Variants in BPTF observed in about 807,000 individuals in gnomAD.
The protein encoded by BPTF is bromodomain PHD finger transcription factor.
In BPTF, 18 loss-of-function variants were observed where a neutral mutation model predicts 292.5. The ratio of observed to expected loss-of-function variants is 0.06; its 90% CI spans 0.04 to 0.09. BPTF has a LOEUF of 0.09. Among genes scored for constraint, BPTF ranks in the 10% least tolerant of loss-of-function variants. BPTF has a pLI of 1.00. For synonymous variants in BPTF, 1,225 were observed against 1,251.9 expected, an observed-to-expected ratio of 0.98 and a Z score of 0.45; for missense variants, 2,726 against 3,498.7, an observed-to-expected ratio of 0.78 and a Z score of 5.57.
chr17:67,890,830 A>T (rs1363631238), intron 4 of BPTF, among the ~76,000 whole-genome samples: 3 of 152,182 alleles, frequency 2.0e-5, no homozygotes, highest in African/African-American at 7.2e-5. Context: ...TATATATCAT[A>T]TAGTAAATTA....
chr17:67,886,144 A>G lies in BPTF; in HGVS notation c.1865-5700A>G, dbSNP rs755390071. 7.6e-6 allele frequency: 12 copies of G among 1,585,008 alleles called. No homozygotes were observed. The African/African-American group carries it at 9.4e-5, about 12-fold the overall frequency. On this transcript the variant is annotated intron_variant, in intron 4 of 27. Transcript: ENST00000306378. ...TTTTTCTAGAAGAACCTAACAAGAC[A>G]TGTGAGAGCAGTAACACTAGTGCTA... is the stretch of plus-strand genomic sequence containing the variant.
chr17:67,885,455 G>A (rs964621171), intron 4 of BPTF, among the ~76,000 whole-genome samples: 13 of 152,108 alleles, frequency 8.5e-5, no homozygotes, highest in South Asian at 2.1e-4. Context: ...GTATGGTGGC[G>A]TGCACCTGAC....
At chr17:67,952,150 G>T (rs1428384116) in intron 23 of BPTF, among the ~76,000 whole-genome samples, 1 of 150,964 alleles carries the variant, frequency 6.6e-6, no homozygotes, top group Non-Finnish European at 1.5e-5. Flanking sequence ...CTCTGCTAAA[G>T]CTTCAAATAT....
intron 23 of BPTF, among the ~76,000 whole-genome samples, chr17:67,954,404 AGAG>A (rs2066727084): frequency 1.3e-5 from 2 of 151,912 alleles, no homozygotes; most frequent in Non-Finnish European, 2.9e-5. Flanking sequence ...ATTTTGAGTG[AGAG>A]GAGTTTTGTT....
chr17:67,982,382 C>A lies in BPTF; in HGVS notation c.*94C>A. 8.3e-7 allele frequency: 1 copy of A among 1,205,058 alleles called. No individual in the cohort carries two copies. Among genetic ancestry groups the A allele is most frequent in the Non-Finnish European group, 1.2e-6 (1 of 829,666 alleles). The allele number at this position is 1,205,058 out of a possible 1,614,324, so 74.6% of individuals were successfully genotyped here. A position where few individuals can be genotyped will look rare whatever the true frequency, so the allele number is the denominator to read the frequency against. On this transcript the variant is annotated 3_prime_UTR_variant, in exon 28 of 28. Transcript: ENST00000306378. ...AGCCAGATGTTTTTAGTCAGGCTAT[C>A]CTGACAAGACTTGACCTAAACTTCG... is the stretch of plus-strand genomic sequence containing the variant.
At chr17:67,900,974 G>A (rs183050563) in intron 7 of BPTF, among the ~76,000 whole-genome samples, 9 of 151,994 alleles carry the variant, frequency 5.9e-5, no homozygotes, top group Non-Finnish European at 7.4e-5. Flanking sequence ...AGCTATGATT[G>A]CGCCACTGTA....
At chr17:67,877,394 C>G (rs1854077664) in intron 4 of BPTF, among the ~76,000 whole-genome samples, 1 of 152,246 alleles carries the variant, frequency 6.6e-6, no homozygotes, top group South Asian at 2.1e-4. Context: ...AACTCTGTTA[C>G]CACTGTTTAC....
At position 67,983,568 on chromosome 17, in the gene BPTF, A is replaced by G. The variant is rs1221750829; in HGVS notation, c.*1280A>G. On this transcript the variant is annotated 3_prime_UTR_variant, in exon 28 of 28. Coordinates refer to ENST00000306378, the MANE Select transcript of BPTF (RefSeq NM_182641.4). ...TCTTCCACGTAAGGAAAAGTAGTGT[A>G]AACAGTAGCGAGAAAATGGAAACCA... 6.6e-6 allele frequency: 1 copy of G among 152,650 alleles called. No individual in the cohort carries two copies. Among genetic ancestry groups the G allele is most frequent in the African/African-American group, 2.4e-5 (1 of 41,466 alleles). The allele number at this position is 152,650 out of a possible 1,614,324, so 9.5% of individuals were successfully genotyped here. A position where few individuals can be genotyped will look rare whatever the true frequency, so the allele number is the denominator to read the frequency against.
intron 27 of BPTF, chr17:67,981,668 G>C (rs1251838615): frequency 1.2e-5 from 12 of 993,542 alleles, no homozygotes; most frequent in Middle Eastern, 4.0e-4. Flanking sequence ...GTATTTATCT[G>C]CTATTTCAAT....
intron 18 of BPTF, among the ~76,000 whole-genome samples, chr17:67,933,181 C>T (rs1030247135): frequency 2.6e-5 from 4 of 151,834 alleles, no homozygotes; most frequent in Non-Finnish European, 5.9e-5. Flanking sequence ...TCGCTTGAAC[C>T]CAGGAGGCGG....
chr17:67,894,339 T>A (rs1334194413), intron 7 of BPTF, among the ~76,000 whole-genome samples, 174 bp downstream of exon 7: 1 of 152,172 alleles, frequency 6.6e-6, no homozygotes, highest in Non-Finnish European at 1.5e-5. Context: ...GTTCTTTCTT[T>A]TTTTTTTGAG....
rs1310683288 is a variant in BPTF, at chr17:67,912,944, A to G, written c.5060A>G (p.Lys1687Arg). Reference sequence around the variant, plus strand: ...AGCAAAGAGTATTCCACACGAGACAAAGTGAAACTGATGAAATTTTCAAGA... The same window carrying G: ...AGCAAAGAGTATTCCACACGAGACAGAGTGAAACTGATGAAATTTTCAAGA... ...TVSKEYSTRD[K>R]VKLMKFSRPK... Residue 1687 changes from lysine to arginine, a missense_variant, in exon 11 of 28, where the codon AAA becomes AGA. By Grantham distance (26) the Lys-to-Arg change is conservative. Around this residue, in one of 22 missense-constraint regions of BPTF, gnomAD observed 144 missense variants for 177.2 expected, o/e 0.81. Transcript: ENST00000306378. The G allele has an allele frequency of 3.7e-6, 6 of 1,614,224 alleles. No individual in the cohort carries two copies. Among genetic ancestry groups the G allele is most frequent in the Non-Finnish European group, 5.1e-6 (6 of 1,180,040 alleles).
chr17:67,855,156 C>T (rs1319220827), intron 2 of BPTF, among the ~76,000 whole-genome samples: 1 of 152,084 alleles, frequency 6.6e-6, no homozygotes, highest in Non-Finnish European at 1.5e-5. Context: ...CAAAACTTAG[C>T]CAGGTGTGGT....
intron 27 of BPTF, chr17:67,981,521 C>A (rs2070358194): frequency 2.7e-6 from 3 of 1,123,812 alleles, no homozygotes; most frequent in Non-Finnish European, 2.2e-6. Context: ...CTCGTGATTA[C>A]CTAATTCAAA....
intron 9 of BPTF, among the ~76,000 whole-genome samples, chr17:67,906,239 C>T (rs1221798339): frequency 2.0e-5 from 3 of 152,032 alleles, no homozygotes; most frequent in Admixed American, 2.0e-4. Flanking sequence ...CACCACCATG[C>T]CCAGCTAATT....
At chr17:67,927,031 A>G (rs994394167) in intron 15 of BPTF, among the ~76,000 whole-genome samples, 1 of 152,014 alleles carries the variant, frequency 6.6e-6, no homozygotes, top group Non-Finnish European at 1.5e-5. Context: ...TATTATATTC[A>G]GGTATATAGG....
At chr17:67,930,885 G>A (rs1012859571) in intron 17 of BPTF, among the ~76,000 whole-genome samples, 3 of 152,080 alleles carry the variant, frequency 2.0e-5, no homozygotes, top group Admixed American at 6.6e-5. Context: ...AACCCACAAG[G>A]CAGAGGCCAC....
intron 1 of BPTF, among the ~76,000 whole-genome samples, chr17:67,845,556 G>A (rs1380451264): frequency 6.6e-6 from 1 of 152,012 alleles, no homozygotes; most frequent in African/African-American, 2.4e-5. Context: ...GGAGGATTGT[G>A]TGAGCCCAGG....
chr17:67,875,544 A>G, intron 4 of BPTF: 1 of 1,471,164 alleles, frequency 6.8e-7, no homozygotes, highest in Non-Finnish European at 9.1e-7. Context: ...TTTGTTGTGC[A>G]TTTTGCTGTA....
Sources: allele counts gnomAD v4.1 joint callset (sites outside exome capture counted in the v4.1 genomes callset), GRCh38; gene constraint gnomAD v4.1.1; regional missense constraint gnomAD v4.1.1; transcripts MANE v1.5; gene names NCBI Gene and HGNC (gene_info 2026-07-23, HGNC 2026-07-21).